The following NEK10 variants were observed in gnomAD, a reference collection of about 807,000 sequenced individuals.
NEK10 encodes the protein serine/threonine-protein kinase Nek10.
Under a neutral mutation model 159.8 loss-of-function variants are expected in NEK10, and 122 were observed. The observed-to-expected ratio is 0.76, with a 90% CI of 0.66 to 0.89. The LOEUF is 0.89. Ranked by LOEUF, NEK10 falls within the 40% of genes least tolerant of loss-of-function variation. The pLI is 0.00. For synonymous variants in NEK10, 466 were observed against 457.1 expected (o/e 1.02, Z -0.25); for missense variants, 1,342 against 1,323.1 (o/e 1.01, Z -0.22).
At chr3:27,137,785 G>A (rs2125556934) in intron 31 of NEK10, among the ~76,000 whole-genome samples, 1 of 152,298 alleles carries the variant, frequency 6.6e-6, no homozygotes, top group East Asian at 1.9e-4. Context: ...CCAGAGTTTG[G>A]ACAAAACTTG....
Position 27,108,143 on chromosome 3 carries a change from C to T in NEK10, c.*3129G>A, listed in dbSNP as rs1266615618. Among the ~76,000 whole-genome samples the T allele has an allele frequency of 6.6e-6, 1 of 152,164 alleles. No individual in the cohort carries two copies. Among genetic ancestry groups the T allele is most frequent in the Non-Finnish European group, 1.5e-5 (1 of 68,024 alleles). On this transcript the variant is annotated 3_prime_UTR_variant, in exon 36 of 36. Coordinates refer to ENST00000691995, the MANE Select transcript of NEK10 (RefSeq NM_001394966.1). Reference sequence around the variant, plus strand: ...TCATAGATGATACTTATAGGAAGACCTAACTCTTAATCAATTATATCATTT... The same window carrying T: ...TCATAGATGATACTTATAGGAAGACTTAACTCTTAATCAATTATATCATTT...
intron 1 of NEK10, among the ~76,000 whole-genome samples, chr3:27,357,184 T>C (rs1234826450): frequency 6.6e-6 from 1 of 152,178 alleles, no homozygotes; most frequent in African/African-American, 2.4e-5. Flanking sequence ...GATGTTGCAA[T>C]TGCCTTATTA....
At chr3:27,224,434 A>G (rs1178202557) in intron 23 of NEK10, among the ~76,000 whole-genome samples, 4 of 152,200 alleles carry the variant, frequency 2.6e-5, no homozygotes. Context: ...GAGTAACCAA[A>G]AGAATCTGGA....
intron 30 of NEK10, among the ~76,000 whole-genome samples, chr3:27,149,363 T>C (rs538338941): frequency 6.6e-6 from 1 of 152,322 alleles, no homozygotes; most frequent in South Asian, 2.1e-4. Context: ...GATGTTGCTT[T>C]TTTTAAATTT....
intron 23 of NEK10, among the ~76,000 whole-genome samples, chr3:27,233,710 T>C (rs1223440614): frequency 2.6e-5 from 4 of 152,016 alleles, no homozygotes; most frequent in Non-Finnish European, 5.9e-5. Flanking sequence ...GCTGGTACCA[T>C]TCCTACTGAA....
chr3:27,301,353 G>T (rs759144489), intron 13 of NEK10, among the ~76,000 whole-genome samples: 3 of 152,160 alleles, frequency 2.0e-5, no homozygotes, highest in Non-Finnish European at 4.4e-5. Flanking sequence ...GGTGCCCTGG[G>T]ATCTAGAAAA....
At chr3:27,132,180 T>C (rs1942699622) in intron 31 of NEK10, among the ~76,000 whole-genome samples, 190 bp from the exon 32 acceptor site, 1 of 152,228 alleles carries the variant, frequency 6.6e-6, no homozygotes, top group Non-Finnish European at 1.5e-5. Flanking sequence ...GAATATATTA[T>C]TTTGCTCTTT....
rs756026604 is a variant in NEK10, at chr3:27,311,035, G to A, written c.569-19C>T. The A allele has an allele frequency of 2.0e-6, 3 of 1,519,010 alleles. No homozygotes were observed. The highest frequency in any genetic ancestry group is 1.7e-5 in the Admixed American group (1 of 59,854). The allele number at this position is 1,519,010 out of a possible 1,614,324, so 94.1% of individuals were successfully genotyped here. A position where few individuals can be genotyped will look rare whatever the true frequency, so the allele number is the denominator to read the frequency against. On this transcript the variant is annotated intron_variant, in intron 8 of 35. Coordinates refer to ENST00000691995, the MANE Select transcript of NEK10 (RefSeq NM_001394966.1). ...AAAATATCTATAAAGGAAAGAAAGA[G>A]CGCAAAGAGGCATCCAGAGATTAAA... is the stretch of plus-strand genomic sequence containing the variant.
At chr3:27,278,579 C>T (rs1363471186) in intron 22 of NEK10, 7 of 489,946 alleles carry the variant, frequency 1.4e-5, no homozygotes, top group African/African-American at 2.1e-5. Context: ...AACAGAAATT[C>T]ACATAGCCTG....
At chr3:27,125,697 G>A (rs1035290486) in intron 32 of NEK10, among the ~76,000 whole-genome samples, 3 of 152,064 alleles carry the variant, frequency 2.0e-5, no homozygotes, top group African/African-American at 7.2e-5. Flanking sequence ...ACCCATACAT[G>A]CATGGCCCAT....
rs4386449 is a variant in NEK10 at position 27,218,547 on chromosome 3, G to C, written c.2091-15990C>G. 5.4e-4 allele frequency among the ~76,000 whole-genome samples: 80 copies of C among 149,184 alleles called. 1 individual carries two copies. Among genetic ancestry groups the C allele is most frequent in the African/African-American group, 1.9e-3 (78 of 40,288 alleles). ...TTGAACCTGGGAAGCGGAGGTTGCA[G>C]TGAGCCGAGATCACGCCACTGCACT... On this transcript the variant is annotated intron_variant, in intron 23 of 35. Coordinates refer to ENST00000691995, the MANE Select transcript of NEK10 (RefSeq NM_001394966.1).
chr3:27,260,107 A>T (rs1282666723), intron 22 of NEK10, among the ~76,000 whole-genome samples: 3 of 152,174 alleles, frequency 2.0e-5, no homozygotes, highest in African/African-American at 7.2e-5. Context: ...TATCAGCTTA[A>T]GGAGATTTTG....
chr3:27,151,029 C>A (rs1244812872), intron 30 of NEK10, among the ~76,000 whole-genome samples: 2 of 152,132 alleles, frequency 1.3e-5, no homozygotes, highest in African/African-American at 4.8e-5. Flanking sequence ...TGAGCTCTGG[C>A]ACACCTAGCT....
chr3:27,212,584 G>A (rs1477879956), intron 23 of NEK10, among the ~76,000 whole-genome samples: 1 of 152,236 alleles, frequency 6.6e-6, no homozygotes, highest in Non-Finnish European at 1.5e-5. Flanking sequence ...TGACATTTGA[G>A]GACCAAGGAA....
intron 22 of NEK10, among the ~76,000 whole-genome samples, chr3:27,271,459 CA>C (rs1261704629): frequency 3.9e-5 from 6 of 152,004 alleles, no homozygotes; most frequent in Admixed American, 2.6e-4. Context: ...AACTTATAAC[CA>C]AAAATAATGC....
chr3:27,312,178 C>A lies in NEK10; in HGVS notation c.490-1G>T. On this transcript the variant is annotated splice_acceptor_variant, in intron 7 of 35. Transcript: ENST00000691995. LOFTEE classifies it high-confidence loss of function. Reference sequence around the variant, plus strand: ...ACTCATTGGCTACAATCTCCATATACTGCATGAAGGACCAAACCAACAAGC... The same window carrying A: ...ACTCATTGGCTACAATCTCCATATAATGCATGAAGGACCAAACCAACAAGC... 1 of 1,596,474 alleles carries A rather than the reference C, an allele frequency of 6.3e-7. No individual in the cohort carries two copies. The highest frequency in any genetic ancestry group is 8.5e-7 in the Non-Finnish European group (1 of 1,169,862).
Position 27,287,688 on chromosome 3 carries a change from T to TC in NEK10, c.1789+9dup. On this transcript the variant is annotated intron_variant, in intron 20 of 35. Transcript: ENST00000691995. ...CCTTATTTAGAAATATCATGAAAAC[T>TC]CATACTTACTTTCCAGAAATGTTTT... is the stretch of plus-strand genomic sequence containing the variant. 1 of 1,563,382 alleles carries TC rather than the reference T, an allele frequency of 6.4e-7. No individual in the cohort carries two copies. Among genetic ancestry groups the TC allele is most frequent in the Non-Finnish European group, 8.6e-7 (1 of 1,161,232 alleles).
intron 32 of NEK10, 122 bp from the exon 33 acceptor site, chr3:27,119,990 T>G: frequency 3.0e-6 from 2 of 662,542 alleles, no homozygotes; most frequent in South Asian, 3.8e-5. Context: ...TTCTGTGGTT[T>G]TCAATCCCTT....
chr3:27,191,358 A>G (rs1013229127), intron 26 of NEK10, among the ~76,000 whole-genome samples: 1 of 152,226 alleles, frequency 6.6e-6, no homozygotes, highest in Non-Finnish European at 1.5e-5. Flanking sequence ...GGCCCAAAGC[A>G]TGAGCAAACA....
Sources: allele counts gnomAD v4.1 joint callset (sites outside exome capture counted in the v4.1 genomes callset), GRCh38; gene constraint gnomAD v4.1.1; transcripts MANE v1.5; gene names NCBI Gene and HGNC (gene_info 2026-07-23, HGNC 2026-07-21).